The following DPP6 variants were observed in gnomAD, a reference collection of about 807,000 sequenced individuals.
DPP6 encodes the protein A-type potassium channel modulatory protein DPP6.
DPP6 carries 69 observed loss-of-function variants against 122.6 expected under a neutral mutation model. That is an observed-to-expected ratio of 0.56 (90% CI 0.46 to 0.69). The LOEUF (loss-of-function observed/expected upper bound fraction) is 0.69. DPP6 is among the 30% of genes least tolerant of loss of function. The pLI is 0.00. For missense variants in DPP6, 928 were observed against 1,116.9 expected (o/e 0.83, Z 2.41); for synonymous variants, 418 against 433.1 (o/e 0.97, Z 0.43).
intron 17 of DPP6, among the ~76,000 whole-genome samples, chr7:154,861,809 C>T (rs1232517795): frequency 3.9e-5 from 6 of 151,986 alleles, no homozygotes; most frequent in East Asian, 1.9e-4. Context: ...GAAACGTGTG[C>T]GCTCCTGGTT....
chr7:153,846,418 CTTT>C, the DPP6 span, among the ~76,000 whole-genome samples: 1 of 151,592 alleles, frequency 6.6e-6, no homozygotes, highest in Non-Finnish European at 1.5e-5. Context: ...CTTTATTCTT[CTTT>C]CTCTTAATGG....
At chr7:154,247,120 C>A (rs1349311415) in intron 1 of DPP6, among the ~76,000 whole-genome samples, 1 of 152,136 alleles carries the variant, frequency 6.6e-6, no homozygotes, top group East Asian at 1.9e-4. Context: ...TGAGACCAGC[C>A]TGGCCAACAT....
intron 16 of DPP6, among the ~76,000 whole-genome samples, chr7:154,830,663 G>T (rs943981471): frequency 3.9e-5 from 6 of 152,208 alleles, no homozygotes; most frequent in African/African-American, 1.4e-4. Context: ...CCTGCCTCCT[G>T]GGTTGTCCCG....
chr7:154,215,034 G>C (rs540273665), intron 1 of DPP6, among the ~76,000 whole-genome samples: 68 of 152,244 alleles, frequency 4.5e-4, no homozygotes, highest in Non-Finnish European at 6.0e-4. Flanking sequence ...AAAGAGAGAT[G>C]GGGTGTATTA....
rs567520795 is a variant in DPP6 at position 154,803,183 on chromosome 7, G to A, written c.1408-681G>A. Among the ~76,000 whole-genome samples the A allele has an allele frequency of 2.0e-5, 3 of 152,194 alleles. No individual in the cohort carries two copies. In the East Asian group the frequency reaches 5.8e-4, roughly 29 times the overall value. The stretch of plus-strand genomic sequence containing the variant: ...CTAGTTTAATCTCCACCTGCTCTGC[G>A]CCCACCTCCCAGGGCATCTGCCTTC... On this transcript the variant is annotated intron_variant, in intron 13 of 25. Transcript: ENST00000377770.
At chr7:153,838,081 G>A in the DPP6 span, among the ~76,000 whole-genome samples, 2 of 151,994 alleles carry the variant, frequency 1.3e-5, no homozygotes, top group African/African-American at 2.4e-5. Context: ...TCATGAACAG[G>A]TGTCATAATA....
chr7:154,004,862 G>A (rs1202724266), intron 1 of DPP6, among the ~76,000 whole-genome samples: 1 of 152,122 alleles, frequency 6.6e-6, no homozygotes, highest in Non-Finnish European at 1.5e-5. Context: ...TATGCATATG[G>A]AACCAATGCA....
chr7:153,759,388 G>A, the DPP6 span, among the ~76,000 whole-genome samples: 22 of 151,182 alleles, frequency 1.5e-4, no homozygotes, highest in South Asian at 4.2e-4. Context: ...GCCCAATCTC[G>A]GCCCACTGCA....
chr7:153,859,001 A>G, the DPP6 span, among the ~76,000 whole-genome samples: 1 of 152,194 alleles, frequency 6.6e-6, no homozygotes, highest in African/African-American at 2.4e-5. Flanking sequence ...GCTATAGAGC[A>G]TATGTCTTCA....
At position 154,436,779 on chromosome 7, in the gene DPP6, C is replaced by T. The variant is rs187007326; in HGVS notation, c.244-9435C>T. Among the ~76,000 whole-genome samples, 146 of 152,322 alleles carry T rather than the reference C, an allele frequency of 9.6e-4. 2 individuals are homozygous for T. In the South Asian group the frequency reaches 0.013, roughly 14 times the overall value. Reference sequence around the variant, plus strand: ...CTCTTTCCAGTGGCAACTTCTCTCTCCCCGTTGAGTTATGCAGCATCCTGG... The same window carrying T: ...CTCTTTCCAGTGGCAACTTCTCTCTTCCCGTTGAGTTATGCAGCATCCTGG... On this transcript the variant is annotated intron_variant, in intron 1 of 25. Transcript: ENST00000377770.
intron 6 of DPP6, among the ~76,000 whole-genome samples, chr7:154,650,605 A>G (rs1364823781): frequency 1.3e-5 from 2 of 152,166 alleles, no homozygotes; most frequent in East Asian, 3.9e-4. Flanking sequence ...AGGAGAAGAC[A>G]CAGTTGTTGA....
chr7:154,316,351 A>C (rs1416599915), intron 1 of DPP6, among the ~76,000 whole-genome samples: 2 of 152,240 alleles, frequency 1.3e-5, no homozygotes, highest in African/African-American at 4.8e-5. Flanking sequence ...ATAAGTGAAT[A>C]TTCTCTCATT....
intron 3 of DPP6, among the ~76,000 whole-genome samples, chr7:154,487,768 A>C (rs928943672): frequency 6.6e-6 from 1 of 152,234 alleles, no homozygotes; most frequent in Non-Finnish European, 1.5e-5. Context: ...GTCCTTAACC[A>C]TGGTAACCTG....
chr7:154,270,078 C>A (rs1395007106), intron 1 of DPP6, among the ~76,000 whole-genome samples: 2 of 152,126 alleles, frequency 1.3e-5, no homozygotes, highest in Non-Finnish European at 2.9e-5. Flanking sequence ...GATTCTAATT[C>A]TCATTTTCCC....
At chr7:154,732,052 T>A (rs186718843) in intron 8 of DPP6, among the ~76,000 whole-genome samples, 2 of 152,126 alleles carry the variant, frequency 1.3e-5, no homozygotes, top group African/African-American at 4.8e-5. Flanking sequence ...TTTGTTTTTT[T>A]TTTTGAGATG....
At chr7:154,564,909 T>C (rs1830647017) in intron 4 of DPP6, among the ~76,000 whole-genome samples, 1 of 152,072 alleles carries the variant, frequency 6.6e-6, no homozygotes, top group Non-Finnish European at 1.5e-5. Context: ...AACTGTCCTT[T>C]TCTGTTGTTC....
rs145597206 is a variant in DPP6, at chr7:154,674,769, G to A, written c.762+5328G>A. ...CCGGGAAACCTGCTGGAACTGGGGA[G>A]AGAGCTGTCCCCAAGAGATAGCGTT... On this transcript the variant is annotated intron_variant, in intron 7 of 25. Transcript: ENST00000377770. Among the ~76,000 whole-genome samples, 429 of 152,304 alleles carry A rather than the reference G, an allele frequency of 2.8e-3. 2 individuals carry two copies. The highest frequency in any genetic ancestry group is 9.3e-3 in the African/African-American group (385 of 41,566).
intron 1 of DPP6, among the ~76,000 whole-genome samples, chr7:154,267,008 A>G (rs1346649751): frequency 6.6e-6 from 1 of 152,108 alleles, no homozygotes; most frequent in Non-Finnish European, 1.5e-5. Flanking sequence ...CCAACTACAT[A>G]TTTTTGTGAG....
At chr7:154,095,456 T>C (rs960231994) in intron 1 of DPP6, 4 of 142,748 alleles carry the variant, frequency 2.8e-5, no homozygotes, top group African/African-American at 7.5e-5. Flanking sequence ...CTTGGAGATA[T>C]CTCTGCCTGT....
Sources: allele counts gnomAD v4.1 joint callset (sites outside exome capture counted in the v4.1 genomes callset), GRCh38; gene constraint gnomAD v4.1.1; transcripts MANE v1.5; gene names NCBI Gene and HGNC (gene_info 2026-07-23, HGNC 2026-07-21).